The following SH3RF1 variants were observed in gnomAD, a reference collection of about 807,000 sequenced individuals.
SH3RF1 encodes SH3 domain containing ring finger 1.
In SH3RF1, 32 loss-of-function variants were observed where a neutral mutation model predicts 74.0. The ratio of observed to expected loss-of-function variants is 0.43; its 90% CI spans 0.33 to 0.58. The LOEUF is 0.58. SH3RF1 is among the 20% of genes least tolerant of loss of function. SH3RF1 has a pLI of 0.05. For synonymous variants in SH3RF1, 396 were observed against 439.6 expected, an observed-to-expected ratio of 0.90 and a Z score of 1.24; for missense variants, 954 against 1,130.9, an observed-to-expected ratio of 0.84 and a Z score of 2.24.
chr4:169,196,121 A>G (rs1319275981), intron 2 of SH3RF1, among the ~76,000 whole-genome samples: 3 of 152,148 alleles, frequency 2.0e-5, no homozygotes, highest in African/African-American at 7.2e-5. Flanking sequence ...AGCGAACACA[A>G]TAATTATAAA....
At chr4:169,192,825 T>C (rs114490346) in intron 2 of SH3RF1, among the ~76,000 whole-genome samples, 16,747 of 148,078 alleles carry the variant, frequency 0.11, 982 homozygotes, top group Middle Eastern at 0.16. Flanking sequence ...ATGTGATATA[T>C]ATATCATATA....
intron 2 of SH3RF1, among the ~76,000 whole-genome samples, chr4:169,158,589 G>GGC (rs1734099776): frequency 6.6e-6 from 1 of 152,226 alleles, no homozygotes; most frequent in African/African-American, 2.4e-5. Context: ...AGATCAGTCT[G>GGC]GCAGTAGTGT....
chr4:169,198,065 A>G (rs182352397), intron 2 of SH3RF1, among the ~76,000 whole-genome samples: 2 of 152,198 alleles, frequency 1.3e-5, no homozygotes, highest in East Asian at 1.9e-4. Flanking sequence ...AGAAAAATCA[A>G]TTGGTCCAAA....
At chr4:169,233,381 C>A (rs547062213) in intron 2 of SH3RF1, among the ~76,000 whole-genome samples, 2 of 151,236 alleles carry the variant, frequency 1.3e-5, no homozygotes, top group East Asian at 3.9e-4. Flanking sequence ...AAAATAATTA[C>A]CAAATTTCAA....
intron 4 of SH3RF1, among the ~76,000 whole-genome samples, chr4:169,137,537 TA>T (rs1466857580): frequency 6.6e-6 from 1 of 152,118 alleles, no homozygotes; most frequent in Admixed American, 6.5e-5. Flanking sequence ...TGCAAAATAA[TA>T]AACTTTTAAA....
At chr4:169,245,696 C>T (rs1730985417) in intron 2 of SH3RF1, among the ~76,000 whole-genome samples, 1 of 152,132 alleles carries the variant, frequency 6.6e-6, no homozygotes, top group South Asian at 2.1e-4. Flanking sequence ...ACAGCAAGTT[C>T]AGCTGATAGA....
intron 10 of SH3RF1, among the ~76,000 whole-genome samples, chr4:169,113,412 AATT>A (rs1267182949): frequency 6.6e-6 from 1 of 152,146 alleles, no homozygotes; most frequent in East Asian, 1.9e-4. Flanking sequence ...GCCCGGCCCC[AATT>A]TTCAAACACA....
intron 4 of SH3RF1, among the ~76,000 whole-genome samples, chr4:169,147,181 TTGTTCACTGAA>T (rs1392863751): frequency 6.6e-6 from 1 of 152,212 alleles, no homozygotes; most frequent in Non-Finnish European, 1.5e-5. Context: ...CATTACATAT[TTGTTCACTGAA>T]TGCACACCAT....
At chr4:169,194,735 A>C (rs550078011) in intron 2 of SH3RF1, among the ~76,000 whole-genome samples, 11 of 152,154 alleles carry the variant, frequency 7.2e-5, no homozygotes, top group Non-Finnish European at 1.3e-4. Context: ...TGAAACTGCT[A>C]GATCATAGGG....
chr4:169,230,304 T>C (rs1176258735), intron 2 of SH3RF1, among the ~76,000 whole-genome samples: 1 of 152,250 alleles, frequency 6.6e-6, no homozygotes, highest in African/African-American at 2.4e-5. Flanking sequence ...ATGTATCTGA[T>C]TCAAAATACT....
chr4:169,183,500 C>T (rs1310904230), intron 2 of SH3RF1, among the ~76,000 whole-genome samples: 1 of 152,138 alleles, frequency 6.6e-6, no homozygotes, highest in Non-Finnish European at 1.5e-5. Context: ...AGGCTGGTCT[C>T]GAACTCCTAA....
chr4:169,214,236 C>T (rs1325125682), intron 2 of SH3RF1, among the ~76,000 whole-genome samples: 1 of 152,160 alleles, frequency 6.6e-6, no homozygotes. Context: ...CACCTCCTCC[C>T]TCACTCTCTT....
chr4:169,212,042 T>C (rs910758589), intron 2 of SH3RF1, among the ~76,000 whole-genome samples: 2 of 149,974 alleles, frequency 1.3e-5, no homozygotes, highest in African/African-American at 4.9e-5. Flanking sequence ...TTCTAATTTT[T>C]TTTTCTTTTC....
intron 11 of SH3RF1, among the ~76,000 whole-genome samples, chr4:169,104,776 C>T (rs2126936822): frequency 6.6e-6 from 1 of 152,032 alleles, no homozygotes; most frequent in South Asian, 2.1e-4. Flanking sequence ...TGGTGTGTGC[C>T]TGCAATCCCA....
intron 2 of SH3RF1, among the ~76,000 whole-genome samples, chr4:169,233,524 A>G (rs903593117): frequency 3.9e-5 from 6 of 152,194 alleles, no homozygotes; most frequent in Non-Finnish European, 7.3e-5. Context: ...AAAGTGTTTT[A>G]TATCTATTAA....
intron 2 of SH3RF1, among the ~76,000 whole-genome samples, chr4:169,203,518 T>G (rs1016883228): frequency 4.1e-5 from 6 of 147,890 alleles, no homozygotes; most frequent in African/African-American, 7.6e-5. Context: ...ACCATTGCAC[T>G]CCAGCCTGGG....
Position 169,106,907 on chromosome 4 carries a change from C to T in SH3RF1, c.2438G>A (p.Arg813His), listed in dbSNP as rs1373334742. The change falls in exon 11 of 12, where the codon CGC (arginine) becomes CAC (histidine). Residue 813 changes from arginine (R) to histidine (H), a missense_variant. Around this residue, in one of 3 missense-constraint regions of SH3RF1, gnomAD observed 854 missense variants for 962.5 expected, o/e 0.89. Transcript: ENST00000284637. ...AGGACCCAGGGAGGAACAGGCCTGG[C>T]GAGGAGGTGGAGCGATGGGAACTGC... ...DSAVPIAPPP[R>H]QACSSLGPVL... 1 of 1,613,414 alleles carries T rather than the reference C, an allele frequency of 6.2e-7. No individual in the cohort carries two copies.
chr4:169,212,636 C>T (rs968078972), intron 2 of SH3RF1, among the ~76,000 whole-genome samples: 1 of 152,172 alleles, frequency 6.6e-6, no homozygotes, highest in Admixed American at 6.5e-5. Flanking sequence ...AGCACAGCCT[C>T]TCCTACAATC....
At chr4:169,249,758 A>T (rs145512800) in intron 2 of SH3RF1, among the ~76,000 whole-genome samples, 21 of 152,366 alleles carry the variant, frequency 1.4e-4, no homozygotes, top group African/African-American at 5.0e-4. Context: ...GCAAGTGCAG[A>T]TTAAAGTACA....
Sources: gnomAD v4.1 joint callset for allele counts (sites outside exome capture counted in the v4.1 genomes callset) on GRCh38, gnomAD v4.1.1 for gene constraint, gnomAD v4.1.1 regional missense constraint, MANE v1.5 for transcripts, NCBI Gene and HGNC (gene_info 2026-07-23, HGNC 2026-07-21) for gene names.